The following ENOX1 variants were observed in gnomAD, a reference collection of about 807,000 sequenced individuals.
The protein encoded by ENOX1 is ecto-NOX disulfide-thiol exchanger 1, also known as candidate growth-related and time keeping constitutive hydroquinone (NADH) oxidase.
Under a neutral mutation model 82.5 loss-of-function variants are expected in ENOX1, and 42 were observed. The observed-to-expected ratio is 0.51, with a 90% CI of 0.40 to 0.66. ENOX1 has a LOEUF of 0.66. Ranked by LOEUF, ENOX1 falls within the 30% of genes least tolerant of loss-of-function variation. The pLI, the probability that ENOX1 is intolerant of heterozygous loss-of-function variation, is 0.00. For synonymous variants in ENOX1, 271 were observed against 282.2 expected, an observed-to-expected ratio of 0.96 and a Z score of 0.40; for missense variants, 608 against 811.6, an observed-to-expected ratio of 0.75 and a Z score of 3.05.
chr13:43,746,800 G>A (rs1051398694), intron 1 of ENOX1, among the ~76,000 whole-genome samples: 2 of 152,140 alleles, frequency 1.3e-5, no homozygotes, highest in South Asian at 2.1e-4. Flanking sequence ...ACATATGGCC[G>A]ATTTACCAAA....
At chr13:43,258,662 G>A (rs1208118985) in intron 14 of ENOX1, among the ~76,000 whole-genome samples, 1 of 152,070 alleles carries the variant, frequency 6.6e-6, no homozygotes, top group African/African-American at 2.4e-5. Context: ...CTACAGATAT[G>A]GGCCCATCCC....
chr13:43,447,677 A>C (rs1206353164), intron 3 of ENOX1, among the ~76,000 whole-genome samples: 2 of 152,248 alleles, frequency 1.3e-5, no homozygotes, highest in East Asian at 3.9e-4. Context: ...CATGAGCATA[A>C]AACAGCCAGC....
chr13:43,290,955 A>C (rs2045967364), intron 12 of ENOX1, among the ~76,000 whole-genome samples: 1 of 152,140 alleles, frequency 6.6e-6, no homozygotes, highest in African/African-American at 2.4e-5. Flanking sequence ...TGAACCTGGG[A>C]GGTGGAGGTT....
intron 1 of ENOX1, among the ~76,000 whole-genome samples, chr13:43,682,487 G>C (rs9533588): frequency 0.088 from 13,388 of 152,134 alleles, 929 homozygotes; most frequent in African/African-American, 0.19. Flanking sequence ...TATGTGTTTT[G>C]TTTTCCTTTT....
At chr13:43,458,909 C>T (rs1364244400) in intron 3 of ENOX1, 1 of 152,138 alleles carries the variant, frequency 6.6e-6, no homozygotes. Flanking sequence ...CAGACTCTCC[C>T]CCTTTTTTCT....
chr13:43,355,956 C>T lies in ENOX1; in HGVS notation c.786G>A (p.Ser262=), dbSNP rs1032829159. ...PPSPPAIMHY[S]EHEAALLAEK... is the part of the protein sequence containing the mutation. Reference sequence around the variant, plus strand: ...CAGCCAGCAGAGCGGCTTCGTGCTCCGAGTAGTGCATTATGGCAGGCGGGG... The same window carrying T: ...CAGCCAGCAGAGCGGCTTCGTGCTCTGAGTAGTGCATTATGGCAGGCGGGG... Residue 262 remains serine (S), a synonymous_variant, in exon 8 of 17, where the codon TCG becomes TCA. Coordinates refer to ENST00000690772, the MANE Select transcript of ENOX1 (RefSeq NM_001347969.2). The T allele has an allele frequency of 1.2e-5, 20 of 1,613,978 alleles. No individual in the cohort carries two copies. Among genetic ancestry groups the T allele is most frequent in the Non-Finnish European group, 1.4e-5 (17 of 1,180,006 alleles).
chr13:43,368,376 G>A (rs749833278), intron 5 of ENOX1, among the ~76,000 whole-genome samples: 5 of 152,190 alleles, frequency 3.3e-5, no homozygotes, highest in Non-Finnish European at 5.9e-5. Flanking sequence ...GACATGACAC[G>A]AAGCAAAGAG....
At chr13:43,387,665 C>A (rs1286929299) in intron 5 of ENOX1, among the ~76,000 whole-genome samples, 1 of 151,796 alleles carries the variant, frequency 6.6e-6, no homozygotes, top group East Asian at 1.9e-4. Context: ...ATTCTGATTG[C>A]TAGAGGAGAT....
chr13:43,509,844 A>G (rs1442376295), intron 2 of ENOX1, among the ~76,000 whole-genome samples: 20 of 145,822 alleles, frequency 1.4e-4, no homozygotes, highest in Admixed American at 7.5e-4. Flanking sequence ...CTAAAGAAAG[A>G]AAAAAAAAAT....
intron 12 of ENOX1, among the ~76,000 whole-genome samples, chr13:43,284,983 A>C (rs1326177909): frequency 2.6e-5 from 4 of 152,174 alleles, no homozygotes; most frequent in Admixed American, 1.3e-4. Context: ...TACAAAAACC[A>C]GACAGTAATT....
At chr13:43,218,028 C>A (rs1226610084) in intron 16 of ENOX1, among the ~76,000 whole-genome samples, 1 of 152,172 alleles carries the variant, frequency 6.6e-6, no homozygotes, top group Non-Finnish European at 1.5e-5. Flanking sequence ...CCCCCAAAAA[C>A]CACTTTACAG....
intron 2 of ENOX1, among the ~76,000 whole-genome samples, chr13:43,610,938 C>A (rs2082174412): frequency 6.6e-6 from 1 of 152,064 alleles, no homozygotes; most frequent in African/African-American, 2.4e-5. Flanking sequence ...TCAGGCAATT[C>A]TAAAATAGGA....
intron 1 of ENOX1, among the ~76,000 whole-genome samples, chr13:43,724,787 G>A (rs968521991): frequency 1.3e-5 from 2 of 151,806 alleles, no homozygotes; most frequent in African/African-American, 2.4e-5. Context: ...CCTCTTTATC[G>A]GCTCTTGCCT....
intron 2 of ENOX1, among the ~76,000 whole-genome samples, chr13:43,656,234 A>G (rs1311318589): frequency 6.6e-6 from 1 of 152,230 alleles, no homozygotes; most frequent in African/African-American, 2.4e-5. Context: ...AGGGTAAAAT[A>G]ATTCTCTGCT....
At chr13:43,610,017 G>T in intron 2 of ENOX1, 1 of 393,232 alleles carries the variant, frequency 2.5e-6, no homozygotes, top group Non-Finnish European at 3.5e-6. Flanking sequence ...TTGAAATTTT[G>T]CACCTTCTCA....
At chr13:43,404,508 T>G (rs542440215) in intron 5 of ENOX1, among the ~76,000 whole-genome samples, 1 of 152,344 alleles carries the variant, frequency 6.6e-6, no homozygotes, top group Non-Finnish European at 1.5e-5. Flanking sequence ...AGGTCTTAGT[T>G]TGAATATTAC....
intron 1 of ENOX1, among the ~76,000 whole-genome samples, chr13:43,680,573 C>T (rs2085735399): frequency 1.3e-5 from 2 of 152,160 alleles, no homozygotes; most frequent in Admixed American, 6.6e-5. Flanking sequence ...CCCAACTTCA[C>T]CATAATTAAC....
chr13:43,510,043 TC>T (rs919190696), intron 2 of ENOX1, among the ~76,000 whole-genome samples: 32 of 152,190 alleles, frequency 2.1e-4, no homozygotes, highest in African/African-American at 7.5e-4. Flanking sequence ...GGAAAGGGTT[TC>T]TCTGTACATA....
intron 1 of ENOX1, among the ~76,000 whole-genome samples, chr13:43,672,797 C>G (rs2085330084): frequency 6.6e-6 from 1 of 152,184 alleles, no homozygotes; most frequent in Non-Finnish European, 1.5e-5. Context: ...AAAACCACCG[C>G]TCTATGATTT....
Sources: allele counts gnomAD v4.1 joint callset (sites outside exome capture counted in the v4.1 genomes callset), GRCh38; gene constraint gnomAD v4.1.1; transcripts MANE v1.5; gene names NCBI Gene and HGNC (gene_info 2026-07-23, HGNC 2026-07-21).